The following TRPM7 variants were observed in gnomAD, a reference collection of about 807,000 sequenced individuals.
The protein encoded by TRPM7 is LTRPC ion channel family member 7.
In TRPM7, 134 loss-of-function variants were observed where a neutral mutation model predicts 229.7. The observed-to-expected ratio is 0.58, with a 90% CI of 0.51 to 0.67. The LOEUF (loss-of-function observed/expected upper bound fraction) is 0.67, where lower values mean the gene tolerates loss of function less well. TRPM7 is among the 30% of genes least tolerant of loss of function. The pLI is 0.00. For missense variants in TRPM7, 1,901 were observed against 2,210.0 expected (o/e 0.86, Z 2.80); for synonymous variants, 699 against 715.2 (o/e 0.98, Z 0.36).
intron 13 of TRPM7, among the ~76,000 whole-genome samples, chr15:50,619,368 G>A (rs955608141): frequency 3.3e-5 from 5 of 151,692 alleles, no homozygotes; most frequent in African/African-American, 9.7e-5. Flanking sequence ...CTACAGGTGT[G>A]CACCACCATG....
At chr15:50,655,927 T>A (rs563856318) in intron 3 of TRPM7, among the ~76,000 whole-genome samples, 1 of 151,754 alleles carries the variant, frequency 6.6e-6, no homozygotes, top group South Asian at 2.1e-4. Flanking sequence ...GAGGCAAAGG[T>A]TGCTGTGAGC....
At chr15:50,587,781 A>G (rs1287386011) in intron 27 of TRPM7, among the ~76,000 whole-genome samples, 2 of 152,216 alleles carry the variant, frequency 1.3e-5, no homozygotes, top group Non-Finnish European at 2.9e-5. Flanking sequence ...ATAATTCTAC[A>G]TTATAAACAG....
chr15:50,600,389 A>T lies in TRPM7; in HGVS notation c.2989-1093T>A, dbSNP rs545434852. Among the ~76,000 whole-genome samples, 4 of 151,842 alleles carry T rather than the reference A, an allele frequency of 2.6e-5. No homozygotes were observed. The East Asian group carries it at 7.7e-4, about 29-fold the overall frequency. ...GAGGCGGAGGCTGCAGTGAGCCAAGATCACGCCACTGCACTCCAGTCTGGG... is the reference window on the plus strand; with the variant it reads ...GAGGCGGAGGCTGCAGTGAGCCAAGTTCACGCCACTGCACTCCAGTCTGGG... On this transcript the variant is annotated intron_variant, in intron 21 of 38. Coordinates refer to ENST00000646667, the MANE Select transcript of TRPM7 (RefSeq NM_017672.6).
At chr15:50,577,972 G>A (rs1348932769) in intron 31 of TRPM7, among the ~76,000 whole-genome samples, 2 of 152,092 alleles carry the variant, frequency 1.3e-5, no homozygotes, top group African/African-American at 4.8e-5. Context: ...AGTATATACT[G>A]TACAATTTCA....
intron 1 of TRPM7, among the ~76,000 whole-genome samples, chr15:50,681,792 T>C (rs1345487456): frequency 9.9e-5 from 15 of 152,220 alleles, no homozygotes; most frequent in Admixed American, 9.8e-4. Flanking sequence ...GTAAGAGGGG[T>C]AAACAGTGTT....
chr15:50,637,575 T>A lies in TRPM7; in HGVS notation c.679A>T (p.Thr227Ser). ...AATTTGCTCAGGGGGTTCAATAAGG[T>A]TTGATAAGGAGCAACCACCTAAACA... ...VGRDVVAPYQ[T>S]LLNPLSKLNV... Residue 227 changes from threonine (T) to serine (S), a missense_variant, in exon 7 of 39, where the codon ACC becomes TCC. Transcript: ENST00000646667. 1 of 1,613,892 alleles carries A rather than the reference T, an allele frequency of 6.2e-7. No individual in the cohort carries two copies. Among genetic ancestry groups the A allele is most frequent in the African/African-American group, 1.3e-5 (1 of 75,038 alleles).
At chr15:50,683,475 C>T (rs2062287936) in intron 1 of TRPM7, among the ~76,000 whole-genome samples, 1 of 151,916 alleles carries the variant, frequency 6.6e-6, no homozygotes, top group South Asian at 2.1e-4. Context: ...TGGCTCACGC[C>T]TGTAATCCCA....
chr15:50,570,100 T>C lies in TRPM7; in HGVS notation c.5360+4A>G, dbSNP rs201159511. 8.0e-5 allele frequency: 129 copies of C among 1,610,294 alleles called. No individual in the cohort carries two copies. The African/African-American group carries it at 1.1e-3, about 13-fold the overall frequency. On this transcript the variant is annotated splice_donor_region_variant and intron_variant, in intron 37 of 38. Transcript: ENST00000646667. ...GCCTTAATGAAATAGTTAAAACTTA[T>C]TACCTCTTTTCTTCTGCTTTTATCA...
intron 1 of TRPM7, among the ~76,000 whole-genome samples, chr15:50,679,527 T>TATATATGTGTATATATATA (rs2062191573): frequency 4.0e-5 from 2 of 50,004 alleles, no homozygotes; most frequent in African/African-American, 8.9e-5. Context: ...TATATATATA[T>TATATATGTGTATATATATA]ATATATATAT....
At chr15:50,667,568 A>C (rs192409141) in intron 1 of TRPM7, among the ~76,000 whole-genome samples, 1 of 152,242 alleles carries the variant, frequency 6.6e-6, no homozygotes, top group East Asian at 1.9e-4. Context: ...TTAGCTGGGA[A>C]TGGTGCCTTG....
chr15:50,589,595 T>C lies in TRPM7; in HGVS notation c.4386A>G (p.Leu1462=), dbSNP rs375500103. The C allele has an allele frequency of 5.1e-6, 8 of 1,557,232 alleles. No individual in the cohort carries two copies. In the African/African-American group the frequency reaches 8.2e-5, roughly 16 times the overall value. Residue 1462 remains leucine, a synonymous_variant, in exon 27 of 39, where the codon CTA becomes CTG. Coordinates refer to ENST00000646667, the MANE Select transcript of TRPM7 (RefSeq NM_017672.6). The part of the protein sequence containing the change: ...FKETSNKIKI[L]SNNNTSENTL... ...GTTTTAATAAGGATTTACTTACGGA[T>C]AGTATTTTTATCTTGTTTGATGTTT...
chr15:50,668,379 C>A (rs1224262481), intron 1 of TRPM7, among the ~76,000 whole-genome samples: 1 of 152,184 alleles, frequency 6.6e-6, no homozygotes, highest in Non-Finnish European at 1.5e-5. Flanking sequence ...GAGCTATTGA[C>A]AGCTATTAAC....
At chr15:50,608,415 T>A (rs1369653258) in intron 19 of TRPM7, among the ~76,000 whole-genome samples, 1 of 152,208 alleles carries the variant, frequency 6.6e-6, no homozygotes, top group Non-Finnish European at 1.5e-5. Context: ...ATAAGTCACA[T>A]CCTTTATTTG....
Position 50,614,607 on chromosome 15 carries a change from G to T in TRPM7, c.1495-344C>A, listed in dbSNP as rs141778199. On this transcript the variant is annotated intron_variant, in intron 13 of 38. Coordinates refer to ENST00000646667, the MANE Select transcript of TRPM7 (RefSeq NM_017672.6). ...TTGAACTTGGGAGGCGGAAGTTGCA[G>T]TGAGCCAAGATCGTGCCACTGCACT... Among the ~76,000 whole-genome samples, 1,456 of 148,096 alleles carry T rather than the reference G, an allele frequency of 9.8e-3. 24 individuals carry two copies. The highest frequency in any genetic ancestry group is 0.035 in the African/African-American group (1,388 of 39,658).
In TRPM7 at chr15:50,607,330, T is replaced by A; in HGVS notation, c.2581-2A>T. The A allele has an allele frequency of 1.3e-6, 2 of 1,562,484 alleles. No homozygotes were observed. Among genetic ancestry groups the A allele is most frequent in the Non-Finnish European group, 1.7e-6 (2 of 1,158,646 alleles). ...CATCAGAAATCCTAAATATGCCAAC[T>A]AATGAAAAAGTAAAGGTTACATAAA... On this transcript the variant is annotated splice_acceptor_variant, in intron 19 of 38. Coordinates refer to ENST00000646667, the MANE Select transcript of TRPM7 (RefSeq NM_017672.6). LOFTEE classifies it high-confidence loss of function.
chr15:50,671,873 G>A (rs1042920920), intron 1 of TRPM7, among the ~76,000 whole-genome samples: 4 of 152,010 alleles, frequency 2.6e-5, no homozygotes, highest in African/African-American at 9.7e-5. Flanking sequence ...GGACTACTTG[G>A]GTATTTGTTT....
intron 3 of TRPM7, among the ~76,000 whole-genome samples, chr15:50,650,201 AAAAAAAAAAAAAAAAAAAAAG>A (rs1277798715): frequency 8.6e-6 from 1 of 116,444 alleles, no homozygotes; most frequent in African/African-American, 3.5e-5. Flanking sequence ...TCAAAAAAAA[AAAAAAAAAAAAAAAAAAAAAG>A]AATAACTACT....
At chr15:50,612,343 T>A (rs1331937088) in intron 16 of TRPM7, among the ~76,000 whole-genome samples, 1 of 152,138 alleles carries the variant, frequency 6.6e-6, no homozygotes, top group Non-Finnish European at 1.5e-5. Context: ...AATTCTTGAG[T>A]TGCAAATATA....
chr15:50,572,723 T>A (rs1285855593), intron 36 of TRPM7, among the ~76,000 whole-genome samples: 1 of 152,250 alleles, frequency 6.6e-6, no homozygotes, highest in Non-Finnish European at 1.5e-5. Context: ...ATCATTTTTA[T>A]AAAGGTATGA....
Sources: gnomAD v4.1 joint callset for allele counts (sites outside exome capture counted in the v4.1 genomes callset) on GRCh38, gnomAD v4.1.1 for gene constraint, MANE v1.5 for transcripts, NCBI Gene and HGNC (gene_info 2026-07-23, HGNC 2026-07-21) for gene names.